MYO3B: variants seen among roughly 807,000 people sequenced by gnomAD.
The protein encoded by MYO3B is myosin IIIB, also known as myosin-IIIb.
MYO3B carries 156 observed loss-of-function variants against 174.6 expected under a neutral mutation model. The ratio of observed to expected loss-of-function variants is 0.89; its 90% CI spans 0.78 to 1.02. The LOEUF is 1.02. Ranked by LOEUF, MYO3B falls within the 50% of genes least tolerant of loss-of-function variation. The pLI, the probability that MYO3B is intolerant of heterozygous loss-of-function variation, is 0.00. For missense variants in MYO3B, 1,632 were observed against 1,639.4 expected (o/e 1.00, Z 0.08); for synonymous variants, 563 against 569.1 (o/e 0.99, Z 0.15).
intron 20 of MYO3B, among the ~76,000 whole-genome samples, chr2:170,405,295 G>A (rs2094503057): frequency 6.6e-6 from 1 of 152,174 alleles, no homozygotes; most frequent in South Asian, 2.1e-4. Flanking sequence ...GTCCATGCTA[G>A]GAGTTCTTAG....
intron 22 of MYO3B, chr2:170,412,355 A>C (rs11894020): frequency 6.6e-6 from 1 of 152,096 alleles, no homozygotes; most frequent in East Asian, 1.9e-4. Flanking sequence ...GGGAGAAACT[A>C]GGAAAAATAA....
intron 7 of MYO3B, among the ~76,000 whole-genome samples, chr2:170,310,437 C>T (rs1388808865): frequency 1.3e-5 from 2 of 151,962 alleles, no homozygotes; most frequent in Admixed American, 6.6e-5. Context: ...CCGAGGCGGG[C>T]GGATCACCCG....
intron 8 of MYO3B, among the ~76,000 whole-genome samples, chr2:170,353,168 G>C (rs1175025012): frequency 6.6e-6 from 1 of 152,208 alleles, no homozygotes; most frequent in Non-Finnish European, 1.5e-5. Flanking sequence ...ATGTCCTTCA[G>C]TAGGTGAATG....
At chr2:170,360,434 C>T (rs1287764537) in intron 8 of MYO3B, among the ~76,000 whole-genome samples, 4 of 152,176 alleles carry the variant, frequency 2.6e-5, no homozygotes, top group Admixed American at 2.6e-4. Flanking sequence ...GCTGAATTGC[C>T]AGACCCCAGA....
In MYO3B at chr2:170,261,785, T is replaced by C. The variant is rs191943194; in HGVS notation, c.749+25649T>C. On this transcript the variant is annotated intron_variant, in intron 7 of 34. Transcript: ENST00000408978. ...CTGTCAGCATTTAATCTGCATCTTT[T>C]TGGCTGATGGTACAAATGTCTAAGA... is the stretch of plus-strand genomic sequence containing the variant. 8.5e-5 allele frequency among the ~76,000 whole-genome samples: 13 copies of C among 152,358 alleles called. No individual in the cohort carries two copies. The East Asian group carries it at 2.3e-3, about 27-fold the overall frequency.
chr2:170,615,081 C>T (rs780242038), intron 32 of MYO3B, among the ~76,000 whole-genome samples: 13 of 152,154 alleles, frequency 8.5e-5, no homozygotes, highest in Non-Finnish European at 1.3e-4. Context: ...CTTTGTGTTT[C>T]GGTGTCACAC....
intron 32 of MYO3B, among the ~76,000 whole-genome samples, chr2:170,555,088 T>G (rs1341539356): frequency 1.4e-5 from 2 of 140,974 alleles, no homozygotes; most frequent in Non-Finnish European, 2.9e-5. Context: ...ATAATAAATT[T>G]GTTTGCGTTT....
Position 170,501,816 on chromosome 2 carries a change from T to G in MYO3B, c.3321T>G (p.Phe1107Leu). The G allele has an allele frequency of 6.2e-7, 1 of 1,613,042 alleles. No individual in the cohort carries two copies. The highest frequency in any genetic ancestry group is 2.2e-5 in the East Asian group (1 of 44,856). ...GAGGATATGATGCTCGGAGGAAATT[T>G]AAGAAAATAAGCAACAGAAGGAATG... The part of the protein sequence containing the change: ...AWRGYDARRK[F>L]KKISNRRNES... Residue 1107 changes from phenylalanine to leucine, a missense_variant, in exon 28 of 35, where the codon TTT becomes TTG. Physicochemically the swap from Phe to Leu is conservative, Grantham distance 22. Transcript: ENST00000408978.
chr2:170,521,502 A>G (rs977759654), intron 30 of MYO3B, among the ~76,000 whole-genome samples: 1 of 152,156 alleles, frequency 6.6e-6, no homozygotes, highest in African/African-American at 2.4e-5. Context: ...ACACCAGGAC[A>G]GTGCTCTGAG....
At chr2:170,613,940 C>CT (rs1205725426) in intron 32 of MYO3B, among the ~76,000 whole-genome samples, 3 of 152,106 alleles carry the variant, frequency 2.0e-5, no homozygotes, top group Non-Finnish European at 4.4e-5. Flanking sequence ...TAAGTTAATA[C>CT]TTAATAAACT....
At chr2:170,431,110 G>A (rs183527728) in intron 22 of MYO3B, among the ~76,000 whole-genome samples, 18 of 152,226 alleles carry the variant, frequency 1.2e-4, no homozygotes, top group African/African-American at 4.3e-4. Flanking sequence ...TTTTAAATGG[G>A]TCAGGTCTTC....
intron 10 of MYO3B, 122 bp downstream of exon 10, chr2:170,382,234 A>G (rs2094341080): frequency 4.0e-6 from 3 of 755,626 alleles, no homozygotes; most frequent in South Asian, 3.6e-5. Context: ...TTGTGTAGCT[A>G]TGGGATGAAG....
chr2:170,547,285 G>A (rs1303541579), intron 32 of MYO3B, among the ~76,000 whole-genome samples: 6 of 151,140 alleles, frequency 4.0e-5, no homozygotes, highest in Non-Finnish European at 7.4e-5. Context: ...AGCCGAGATC[G>A]CGCCACTGTA....
chr2:170,452,494 C>G (rs758518621), intron 23 of MYO3B, among the ~76,000 whole-genome samples: 5 of 152,152 alleles, frequency 3.3e-5, no homozygotes, highest in Non-Finnish European at 5.9e-5. Flanking sequence ...AGATAAAGGC[C>G]TTTTAAGTAT....
At chr2:170,616,516 A>G (rs1255078782) in intron 32 of MYO3B, among the ~76,000 whole-genome samples, 1 of 152,176 alleles carries the variant, frequency 6.6e-6, no homozygotes, top group Non-Finnish European at 1.5e-5. Context: ...GGAGCATTTC[A>G]TCTTTTATTC....
Position 170,427,875 on chromosome 2 carries a change from C to T in MYO3B, c.2651-16092C>T, listed in dbSNP as rs929663453. Among the ~76,000 whole-genome samples, 24 of 152,162 alleles carry T rather than the reference C, an allele frequency of 1.6e-4. 2 individuals carry two copies. The highest frequency in any genetic ancestry group is 1.4e-3 in the Admixed American group (22 of 15,272). ...AGAGACCCAATAGGAAAAAAAAGCT[C>T]GTATAAGTGATTATTGCCTTCACAT... On this transcript the variant is annotated intron_variant, in intron 22 of 34. Transcript: ENST00000408978.
chr2:170,398,075 T>C (rs563115958), intron 16 of MYO3B, among the ~76,000 whole-genome samples: 2 of 151,766 alleles, frequency 1.3e-5, no homozygotes, highest in Admixed American at 1.3e-4. Context: ...TACAAAAATT[T>C]AGCTGGGCAT....
intron 7 of MYO3B, among the ~76,000 whole-genome samples, chr2:170,301,491 A>G (rs1020184171): frequency 1.3e-5 from 2 of 152,166 alleles, no homozygotes; most frequent in African/African-American, 2.4e-5. Context: ...ATAATGTGGG[A>G]TGTAACTAAA....
At chr2:170,201,945 G>C (rs1187600567) in intron 3 of MYO3B, among the ~76,000 whole-genome samples, 2 of 152,152 alleles carry the variant, frequency 1.3e-5, no homozygotes, top group Non-Finnish European at 2.9e-5. Context: ...ATCAGACATA[G>C]AGAACTGAAA....
Sources: gnomAD v4.1 joint callset for allele counts (sites outside exome capture counted in the v4.1 genomes callset) on GRCh38, gnomAD v4.1.1 for gene constraint, MANE v1.5 for transcripts, NCBI Gene and HGNC (gene_info 2026-07-23, HGNC 2026-07-21) for gene names.